The following NEGR1 variants were observed in gnomAD, a reference collection of about 807,000 sequenced individuals.
NEGR1 encodes the protein IgLON family member 4.
NEGR1 carries 10 observed loss-of-function variants against 40.9 expected under a neutral mutation model. That is an observed-to-expected ratio of 0.24 (90% CI 0.15 to 0.42). NEGR1 has a LOEUF of 0.42. NEGR1 is among the 10% of genes least tolerant of loss of function. The probability of loss-of-function intolerance (pLI) is 1.00; values close to 1 mark genes in which losing one functional copy is unlikely to be tolerated. For synonymous variants in NEGR1, 185 were observed against 166.8 expected (o/e 1.11, Z -0.84); for missense variants, 352 against 438.9 (o/e 0.80, Z 1.77).
At chr1:71,697,895 A>G (rs1653537685) in intron 4 of NEGR1, 113 bp downstream of exon 4, 2 of 1,016,930 alleles carry the variant, frequency 2.0e-6, no homozygotes, top group Non-Finnish European at 2.9e-6. Flanking sequence ...TTAGTAGGTG[A>G]TTTTTACCAA....
intron 3 of NEGR1, among the ~76,000 whole-genome samples, chr1:71,770,155 C>T (rs1173867217): frequency 1.3e-5 from 2 of 152,106 alleles, no homozygotes; most frequent in African/African-American, 4.8e-5. Context: ...AGATAAAGAA[C>T]CAGTCATAGA....
intron 2 of NEGR1, among the ~76,000 whole-genome samples, chr1:71,868,507 C>CATAT (rs1660187716): frequency 6.7e-6 from 1 of 149,954 alleles, no homozygotes; most frequent in African/African-American, 2.5e-5. Flanking sequence ...TACATACATA[C>CATAT]ATACATACAT....
intron 1 of NEGR1, among the ~76,000 whole-genome samples, chr1:72,124,756 T>C (rs1318755431): frequency 6.6e-6 from 1 of 152,052 alleles, no homozygotes; most frequent in Non-Finnish European, 1.5e-5. Context: ...GTTTGGATTT[T>C]ATAGAAGAAT....
intron 1 of NEGR1, among the ~76,000 whole-genome samples, chr1:72,085,494 A>G (rs990060789): frequency 2.6e-5 from 4 of 152,184 alleles, no homozygotes; most frequent in African/African-American, 9.7e-5. Context: ...GCAATTGTCA[A>G]ACTAGGTGTG....
intron 2 of NEGR1, among the ~76,000 whole-genome samples, chr1:71,846,095 C>T (rs1659399291): frequency 6.6e-6 from 1 of 151,876 alleles, no homozygotes; most frequent in Non-Finnish European, 1.5e-5. Context: ...TGGTCTGACC[C>T]CAGGGCCTCT....
At chr1:72,244,559 G>C (rs1654845050) in intron 1 of NEGR1, among the ~76,000 whole-genome samples, 1 of 151,682 alleles carries the variant, frequency 6.6e-6, no homozygotes, top group African/African-American at 2.4e-5. Flanking sequence ...ACTCCCATTT[G>C]GTAATTGTAA....
intron 6 of NEGR1, among the ~76,000 whole-genome samples, chr1:71,584,346 C>A (rs1649231893): frequency 6.6e-6 from 1 of 152,056 alleles, no homozygotes; most frequent in African/African-American, 2.4e-5. Flanking sequence ...CCTCTTTTTA[C>A]CTTTATCTGG....
chr1:72,145,425 G>A (rs890639662), intron 1 of NEGR1, among the ~76,000 whole-genome samples: 2 of 152,136 alleles, frequency 1.3e-5, no homozygotes, highest in African/African-American at 4.8e-5. Flanking sequence ...AACACTAAAT[G>A]TAATAGCAGA....
chr1:71,756,419 A>AC (rs1655743738), intron 3 of NEGR1, among the ~76,000 whole-genome samples: 1 of 151,378 alleles, frequency 6.6e-6, no homozygotes, highest in African/African-American at 2.4e-5. Flanking sequence ...AACAAAAAAA[A>AC]AAAACCAAAA....
chr1:72,210,832 G>A (rs1391831599), intron 1 of NEGR1, among the ~76,000 whole-genome samples: 5 of 151,752 alleles, frequency 3.3e-5, no homozygotes. Context: ...TAATATAACA[G>A]AGTAAAAAAC....
chr1:71,637,555 C>T (rs964415024), intron 4 of NEGR1, among the ~76,000 whole-genome samples: 2 of 151,724 alleles, frequency 1.3e-5, no homozygotes, highest in East Asian at 1.9e-4. Flanking sequence ...ATGTTCACTG[C>T]TTAGAGGATT....
At chr1:72,031,319 T>C (rs1317795393) in intron 1 of NEGR1, among the ~76,000 whole-genome samples, 1 of 152,202 alleles carries the variant, frequency 6.6e-6, no homozygotes, top group African/African-American at 2.4e-5. Flanking sequence ...GGATGTAAGA[T>C]GGATCTGAGG....
At chr1:72,091,811 T>C (rs931809520) in intron 1 of NEGR1, among the ~76,000 whole-genome samples, 2 of 152,174 alleles carry the variant, frequency 1.3e-5, no homozygotes, top group African/African-American at 4.8e-5. Context: ...AGAAGTCCAA[T>C]ATCAAGATGC....
At chr1:71,704,454 G>A (rs866323969) in intron 3 of NEGR1, among the ~76,000 whole-genome samples, 3 of 151,544 alleles carry the variant, frequency 2.0e-5, no homozygotes, top group African/African-American at 4.8e-5. Context: ...CAGAAGTGAA[G>A]GAGAAAAATA....
intron 6 of NEGR1, among the ~76,000 whole-genome samples, chr1:71,590,169 G>A (rs560900774): frequency 6.6e-6 from 1 of 152,158 alleles, no homozygotes; most frequent in African/African-American, 2.4e-5. Context: ...GACTGACTGA[G>A]TTGATCATTC....
intron 1 of NEGR1, among the ~76,000 whole-genome samples, chr1:71,981,528 T>G (rs188331460): frequency 6.6e-6 from 1 of 152,248 alleles, no homozygotes; most frequent in Non-Finnish European, 1.5e-5. Flanking sequence ...GTGGAAGTGA[T>G]GGAAGTGAAA....
chr1:71,534,055 A>T (rs1647438827), intron 6 of NEGR1, among the ~76,000 whole-genome samples: 1 of 151,664 alleles, frequency 6.6e-6, no homozygotes, highest in South Asian at 2.1e-4. Context: ...AAAAGCAAAG[A>T]TTCTTATGTA....
intron 6 of NEGR1, among the ~76,000 whole-genome samples, chr1:71,561,726 A>G (rs996981772): frequency 1.3e-5 from 2 of 151,688 alleles, no homozygotes; most frequent in Non-Finnish European, 2.9e-5. Context: ...AGAGTCCTGT[A>G]TGGCCAGATA....
At position 72,196,839 on chromosome 1, in the gene NEGR1, G is replaced by A. The variant is rs77035353; in HGVS notation, c.176+85480C>T. ...AATAAAAGGATTTCTGGCAAATTGAGATAATAAGGCATAGTGCCACAAAAA... is the reference window on the plus strand; with the variant it reads ...AATAAAAGGATTTCTGGCAAATTGAAATAATAAGGCATAGTGCCACAAAAA... On this transcript the variant is annotated intron_variant, in intron 1 of 6. Transcript: ENST00000357731. Among the ~76,000 whole-genome samples, 206 of 150,956 alleles carry A rather than the reference G, an allele frequency of 1.4e-3. 7 individuals carry two copies. The East Asian group carries it at 0.035, about 26-fold the overall frequency.
Sources: allele counts gnomAD v4.1 joint callset (sites outside exome capture counted in the v4.1 genomes callset), GRCh38; gene constraint gnomAD v4.1.1; transcripts MANE v1.5; gene names NCBI Gene and HGNC (gene_info 2026-07-23, HGNC 2026-07-21).